The following MLLT3 variants were observed in gnomAD, a reference collection of about 807,000 sequenced individuals.
MLLT3 encodes the protein MLLT3 super elongation complex subunit.
In MLLT3, 4 loss-of-function variants were observed where a neutral mutation model predicts 53.2. The observed-to-expected ratio is 0.08, with a 90% CI of 0.04 to 0.17. MLLT3 has a LOEUF of 0.17. MLLT3 is among the 10% of genes least tolerant of loss of function. The pLI is 1.00. For missense variants in MLLT3, 569 were observed against 684.0 expected (o/e 0.83, Z 1.87); for synonymous variants, 283 against 230.6 (o/e 1.23, Z -2.06).
chr9:20,507,742 G>GA (rs72452530), intron 2 of MLLT3, among the ~76,000 whole-genome samples: 3,316 of 84,462 alleles, frequency 0.039, 55 homozygotes, highest in Middle Eastern at 0.056. Context: ...TCCCAAAATG[G>GA]AAAAAAAAAA....
chr9:20,567,914 C>T lies in MLLT3; in HGVS notation c.193+52740G>A, dbSNP rs543986592. ...AGAACTCTTCTCTCTTACCCTCCAC[C>T]CCACTCACCAAAATACTTACCTCCA... On this transcript the variant is annotated intron_variant, in intron 2 of 10. Coordinates refer to ENST00000380338, the MANE Select transcript of MLLT3 (RefSeq NM_004529.4). Among the ~76,000 whole-genome samples, 81 of 152,210 alleles carry T rather than the reference C, an allele frequency of 5.3e-4. No individual in the cohort carries two copies. In the Middle Eastern group the frequency reaches 0.02, roughly 38 times the overall value.
chr9:20,517,921 A>T (rs1429945871), intron 2 of MLLT3, among the ~76,000 whole-genome samples: 1 of 152,230 alleles, frequency 6.6e-6, no homozygotes, highest in Admixed American at 6.5e-5. Context: ...ACTTGTCAGA[A>T]GGCATAGAAG....
At chr9:20,387,145 C>T (rs1822059723) in intron 5 of MLLT3, among the ~76,000 whole-genome samples, 1 of 152,216 alleles carries the variant, frequency 6.6e-6, no homozygotes, top group African/African-American at 2.4e-5. Context: ...ATGTTTTAGC[C>T]TTCACAGGCT....
At chr9:20,557,765 C>T (rs535179326) in intron 2 of MLLT3, among the ~76,000 whole-genome samples, 7 of 152,186 alleles carry the variant, frequency 4.6e-5, no homozygotes, top group African/African-American at 1.7e-4. Context: ...TTTTAATTAG[C>T]GAGTAATTCT....
chr9:20,424,898 A>T (rs1823103997), intron 4 of MLLT3, among the ~76,000 whole-genome samples: 1 of 152,168 alleles, frequency 6.6e-6, no homozygotes, highest in Non-Finnish European at 1.5e-5. Context: ...ATGTCTGTAT[A>T]TGTGTGTGCT....
intron 2 of MLLT3, among the ~76,000 whole-genome samples, chr9:20,589,351 A>G (rs1254897840): frequency 4.7e-5 from 7 of 149,534 alleles, no homozygotes; most frequent in African/African-American, 1.2e-4. Flanking sequence ...ACCAAACGCC[A>G]CATATTCTCA....
chr9:20,420,702 G>GT (rs555160006), intron 4 of MLLT3, among the ~76,000 whole-genome samples: 567 of 150,980 alleles, frequency 3.8e-3, no homozygotes, highest in Non-Finnish European at 6.4e-3. Context: ...TTTCTATCTC[G>GT]TTTTTTTTTA....
chr9:20,594,331 G>A (rs1400265194), intron 2 of MLLT3, among the ~76,000 whole-genome samples: 1 of 152,086 alleles, frequency 6.6e-6, no homozygotes, highest in African/African-American at 2.4e-5. Flanking sequence ...ACATACTAAT[G>A]CTTTCTGACT....
At chr9:20,460,926 G>A (rs1186752972) in intron 2 of MLLT3, among the ~76,000 whole-genome samples, 2 of 152,136 alleles carry the variant, frequency 1.3e-5, no homozygotes, top group African/African-American at 2.4e-5. Flanking sequence ...CTAGTTCTGA[G>A]AGCACCACAT....
intron 2 of MLLT3, among the ~76,000 whole-genome samples, chr9:20,538,426 T>C (rs963202157): frequency 2.6e-5 from 4 of 152,244 alleles, no homozygotes; most frequent in Non-Finnish European, 5.9e-5. Context: ...ACCACATTTC[T>C]AGAGCATGCC....
rs144397582 is a variant in MLLT3 at position 20,420,745 on chromosome 9, C to T, written c.421-6320G>A. On this transcript the variant is annotated intron_variant, in intron 4 of 10. Transcript: ENST00000380338. ...AGTTCTAGGGTACATGTGCACAACG[C>T]GCAGGTTTGTTACATATGTATACAT... Among the ~76,000 whole-genome samples, 825 of 151,998 alleles carry T rather than the reference C, an allele frequency of 5.4e-3. 5 individuals carry two copies. Among genetic ancestry groups the T allele is most frequent in the African/African-American group, 0.019 (781 of 41,470 alleles).
chr9:20,576,407 C>A (rs1819653990), intron 2 of MLLT3, among the ~76,000 whole-genome samples: 1 of 152,164 alleles, frequency 6.6e-6, no homozygotes, highest in African/African-American at 2.4e-5. Context: ...AAGTGTTTGG[C>A]ACAAGAGATC....
rs1268511201 is a variant in MLLT3, at chr9:20,498,001, C to G, written c.194-41215G>C. Among the ~76,000 whole-genome samples the G allele has an allele frequency of 2.6e-5, 4 of 151,882 alleles. No individual in the cohort carries two copies. In the East Asian group the frequency reaches 7.7e-4, roughly 29 times the overall value. On this transcript the variant is annotated intron_variant, in intron 2 of 10. Coordinates refer to ENST00000380338, the MANE Select transcript of MLLT3 (RefSeq NM_004529.4). The stretch of plus-strand genomic sequence containing the variant: ...CTTTGGGACAGTGAGGCGAGTGGAT[C>G]ACTTGAGGCCAGGAGTTCGAGATCA...
At chr9:20,354,304 G>A (rs1207977877) in intron 9 of MLLT3, among the ~76,000 whole-genome samples, 1 of 152,218 alleles carries the variant, frequency 6.6e-6, no homozygotes, top group African/African-American at 2.4e-5. Context: ...GGTGCCCCCA[G>A]CACCATTTGC....
At chr9:20,612,823 G>A (rs191843496) in intron 2 of MLLT3, among the ~76,000 whole-genome samples, 197 of 152,186 alleles carry the variant, frequency 1.3e-3, no homozygotes, top group Non-Finnish European at 2.3e-3. Flanking sequence ...AGGAAAAATG[G>A]TACTCATTTT....
intron 2 of MLLT3, among the ~76,000 whole-genome samples, chr9:20,603,695 G>C (rs1044636123): frequency 1.3e-4 from 20 of 152,038 alleles, no homozygotes; most frequent in African/African-American, 4.8e-4. Context: ...GAGATGGCTG[G>C]AAAGTCCGTT....
chr9:20,446,957 T>C (rs1823720681), intron 4 of MLLT3, among the ~76,000 whole-genome samples: 1 of 152,110 alleles, frequency 6.6e-6, no homozygotes, highest in African/African-American at 2.4e-5. Flanking sequence ...ATATATATGA[T>C]AAGGAATGAA....
Position 20,620,799 on chromosome 9 carries a change from G to A in MLLT3, c.48C>T (p.Arg16=). The change falls in exon 2 of 11, where the codon CGC becomes CGT. Residue 16 remains arginine (R), a synonymous_variant. Coordinates refer to ENST00000380338, the MANE Select transcript of MLLT3 (RefSeq NM_004529.4). This position sits in a 1 kb window ranked among gnomAD's most constrained non-coding sequence, Gnocchi z 6.1. ...CGGTGGGTTTTTTCCTCACCTGGGCGCGGTGCCCCAGCTCCAGCTTCACCT... is the reference window on the plus strand; with the variant it reads ...CGGTGGGTTTTTTCCTCACCTGGGCACGGTGCCCCAGCTCCAGCTTCACCT... ...AVQVKLELGH[R]AQVRKKPTVE... is the part of the protein sequence containing the mutation. 6.2e-7 allele frequency: 1 copy of A among 1,614,090 alleles called. No individual in the cohort carries two copies. Among genetic ancestry groups the A allele is most frequent in the Non-Finnish European group, 8.5e-7 (1 of 1,180,008 alleles).
chr9:20,467,451 G>A (rs1440347555), intron 2 of MLLT3, among the ~76,000 whole-genome samples: 2 of 152,106 alleles, frequency 1.3e-5, no homozygotes, highest in African/African-American at 4.8e-5. Context: ...GGTGGCACGC[G>A]CCTGTAGTCC....
Sources: gnomAD v4.1 joint callset for allele counts (sites outside exome capture counted in the v4.1 genomes callset) on GRCh38, gnomAD v4.1.1 for gene constraint, Gnocchi (gnomAD v3.1) non-coding constraint, MANE v1.5 for transcripts, NCBI Gene and HGNC (gene_info 2026-07-23, HGNC 2026-07-21) for gene names.